ITGA9: variants seen among roughly 807,000 people sequenced by gnomAD.
The protein encoded by ITGA9 is integrin alpha-9.
Under a neutral mutation model 127.8 loss-of-function variants are expected in ITGA9, and 56 were observed. That is an observed-to-expected ratio of 0.44 (90% confidence interval 0.35 to 0.55). The LOEUF is 0.55. ITGA9 is among the 20% of genes least tolerant of loss of function. The probability of loss-of-function intolerance (pLI) is 0.00; values close to 1 mark genes in which losing one functional copy is unlikely to be tolerated. For synonymous variants in ITGA9, 508 were observed against 514.5 expected (o/e 0.99, Z 0.17); for missense variants, 1,196 against 1,347.1 (o/e 0.89, Z 1.76).
At chr3:37,572,804 A>C (rs1352577248) in intron 15 of ITGA9, among the ~76,000 whole-genome samples, 1 of 152,190 alleles carries the variant, frequency 6.6e-6, no homozygotes, top group African/African-American at 2.4e-5. Flanking sequence ...CACAGTTCTA[A>C]AATTCTTTAA....
chr3:37,684,507 G>A (rs909060110), intron 18 of ITGA9, among the ~76,000 whole-genome samples: 3 of 152,104 alleles, frequency 2.0e-5, no homozygotes, highest in Admixed American at 6.5e-5. Context: ...GACAAGTCTC[G>A]CTCTGTCACC....
intron 1 of ITGA9, among the ~76,000 whole-genome samples, chr3:37,462,481 A>G (rs1446214754): frequency 1.3e-5 from 2 of 152,240 alleles, no homozygotes; most frequent in African/African-American, 4.8e-5. Context: ...TATGCAGAGC[A>G]GGCTACCACT....
At chr3:37,663,415 C>T (rs1700556346) in intron 17 of ITGA9, among the ~76,000 whole-genome samples, 1 of 152,144 alleles carries the variant, frequency 6.6e-6, no homozygotes, top group African/African-American at 2.4e-5. Flanking sequence ...TCTGTAAAGC[C>T]AGAATCATCT....
chr3:37,541,269 T>G (rs1032483139), intron 14 of ITGA9, among the ~76,000 whole-genome samples: 1 of 152,240 alleles, frequency 6.6e-6, no homozygotes, highest in Admixed American at 6.5e-5. Context: ...CTTCTGTTGC[T>G]TAGCCATCTT....
intron 14 of ITGA9, among the ~76,000 whole-genome samples, chr3:37,541,489 CAG>C (rs1699269809): frequency 1.3e-5 from 2 of 152,206 alleles, no homozygotes; most frequent in Non-Finnish European, 2.9e-5. Flanking sequence ...TCTGAAATAA[CAG>C]AGGTAGATCC....
intron 16 of ITGA9, among the ~76,000 whole-genome samples, chr3:37,634,043 A>T (rs1349278186): frequency 6.6e-6 from 1 of 152,244 alleles, no homozygotes. Flanking sequence ...TAACTATCAG[A>T]TGTTTTTTGT....
chr3:37,777,261 C>A, intron 23 of ITGA9, 131 bp from the exon 24 acceptor site: 1 of 1,023,038 alleles, frequency 9.8e-7, no homozygotes, highest in Non-Finnish European at 1.5e-6. Context: ...AGCCATTGTT[C>A]TCCACTTCAA....
chr3:37,490,845 T>C (rs1207076564), intron 4 of ITGA9, among the ~76,000 whole-genome samples: 1 of 152,122 alleles, frequency 6.6e-6, no homozygotes, highest in Non-Finnish European at 1.5e-5. Flanking sequence ...AAGCATGTAA[T>C]GCAGGCCAAG....
At chr3:37,582,553 T>G (rs1291090967) in intron 15 of ITGA9, among the ~76,000 whole-genome samples, 1 of 152,222 alleles carries the variant, frequency 6.6e-6, no homozygotes, top group African/African-American at 2.4e-5. Context: ...GAGTAAGTAG[T>G]GACTGCCTAG....
intron 15 of ITGA9, among the ~76,000 whole-genome samples, chr3:37,590,512 G>T (rs1319306929): frequency 6.6e-6 from 1 of 152,182 alleles, no homozygotes; most frequent in Non-Finnish European, 1.5e-5. Flanking sequence ...TTGTTCCTGT[G>T]CATGGTGTAG....
At chr3:37,620,711 A>G (rs1455912325) in intron 15 of ITGA9, among the ~76,000 whole-genome samples, 1 of 152,104 alleles carries the variant, frequency 6.6e-6, no homozygotes, top group Non-Finnish European at 1.5e-5. Flanking sequence ...CCTCCATAGT[A>G]TCTTCACCAA....
At chr3:37,547,830 AT>A (rs1376815302) in intron 15 of ITGA9, among the ~76,000 whole-genome samples, 1 of 152,204 alleles carries the variant, frequency 6.6e-6, no homozygotes, top group African/African-American at 2.4e-5. Context: ...TATAGTTAAA[AT>A]TTTTAAATGG....
chr3:37,681,955 A>G (rs995107747), intron 17 of ITGA9, among the ~76,000 whole-genome samples: 1 of 152,062 alleles, frequency 6.6e-6, no homozygotes, highest in Non-Finnish European at 1.5e-5. Flanking sequence ...CCCATCTACT[A>G]ATGCATCTTC....
chr3:37,758,325 G>A (rs1270017402), intron 23 of ITGA9, among the ~76,000 whole-genome samples: 7 of 4,424 alleles, frequency 1.6e-3, no homozygotes, highest in South Asian at 0.019. Context: ...GCGAGACTCC[G>A]TCTCAAAAAA....
intron 14 of ITGA9, among the ~76,000 whole-genome samples, chr3:37,534,933 T>C (rs1315811367): frequency 1.3e-5 from 2 of 152,254 alleles, no homozygotes; most frequent in Non-Finnish European, 1.5e-5. Flanking sequence ...AGCTTTCTGA[T>C]AGTTCTGGGA....
rs543669017 is a variant in ITGA9, at chr3:37,684,517, C to T, written c.2067+502C>T. 1.6e-4 allele frequency among the ~76,000 whole-genome samples: 25 copies of T among 152,276 alleles called. No individual in the cohort carries two copies. The East Asian group carries it at 4.4e-3, about 27-fold the overall frequency. On this transcript the variant is annotated intron_variant, in intron 18 of 27. Coordinates refer to ENST00000264741, the MANE Select transcript of ITGA9 (RefSeq NM_002207.3). ...TTTGAGACAAGTCTCGCTCTGTCACCCAGGCTGGAGTGCAGTGCCACAATC... is the reference window on the plus strand; with the variant it reads ...TTTGAGACAAGTCTCGCTCTGTCACTCAGGCTGGAGTGCAGTGCCACAATC...
intron 13 of ITGA9, among the ~76,000 whole-genome samples, chr3:37,526,770 A>G (rs994830785): frequency 2.0e-5 from 3 of 152,234 alleles, no homozygotes; most frequent in African/African-American, 7.2e-5. Context: ...CTGATGGCAG[A>G]ACTTTCTAAA....
In ITGA9 at chr3:37,526,015, C is replaced by T; in HGVS notation, c.1328-11C>T. ...GCAAGTTTCTGAACGCTGTAAACTT[C>T]TCATTTTCAGATGTCACTGTTGGAG... On this transcript the variant is annotated splice_polypyrimidine_tract_variant and intron_variant, in intron 12 of 27. Transcript: ENST00000264741. 6.2e-7 allele frequency: 1 copy of T among 1,613,624 alleles called. No individual in the cohort carries two copies. The highest frequency in any genetic ancestry group is 8.5e-7 in the Non-Finnish European group (1 of 1,179,678).
At chr3:37,683,264 C>G (rs1358020681) in intron 17 of ITGA9, among the ~76,000 whole-genome samples, 1 of 152,192 alleles carries the variant, frequency 6.6e-6, no homozygotes, top group Non-Finnish European at 1.5e-5. Flanking sequence ...TTTCTTGCTC[C>G]CCTTCTTTCT....
Sources: gnomAD v4.1 joint callset for allele counts (sites outside exome capture counted in the v4.1 genomes callset) on GRCh38, gnomAD v4.1.1 for gene constraint, MANE v1.5 for transcripts, NCBI Gene and HGNC (gene_info 2026-07-23, HGNC 2026-07-21) for gene names.